PLPPR4: variants seen among roughly 807,000 people sequenced by gnomAD.
PLPPR4 encodes phospholipid phosphatase related 4.
A neutral mutation model predicts 56.6 loss-of-function variants in PLPPR4; 24 were observed. The observed-to-expected ratio is 0.42, with a 90% confidence interval of 0.31 to 0.60. PLPPR4 has a LOEUF of 0.60. Ranked by LOEUF, PLPPR4 falls within the 20% of genes least tolerant of loss-of-function variation. The probability of loss-of-function intolerance (pLI) is 0.13; values close to 1 mark genes in which losing one functional copy is unlikely to be tolerated. For synonymous variants in PLPPR4, 326 were observed against 328.1 expected (o/e 0.99, Z 0.07); for missense variants, 654 against 885.8 (o/e 0.74, Z 3.32).
intron 1 of PLPPR4, among the ~76,000 whole-genome samples, chr1:99,285,706 A>T (rs894862866): frequency 2.0e-5 from 3 of 152,310 alleles, no homozygotes; most frequent in African/African-American, 4.8e-5. Context: ...TTCTAAAAAT[A>T]AAAATTAAAA....
At chr1:99,289,585 A>G (rs777722382) in intron 2 of PLPPR4, among the ~76,000 whole-genome samples, 2 of 152,120 alleles carry the variant, frequency 1.3e-5, no homozygotes, top group Non-Finnish European at 2.9e-5. Context: ...TTGGAGTGCG[A>G]TATTGCTCAG....
chr1:99,265,736 C>G (rs980490344), intron 1 of PLPPR4, among the ~76,000 whole-genome samples: 1 of 152,178 alleles, frequency 6.6e-6, no homozygotes, highest in African/African-American at 2.4e-5. Context: ...GAAGTGCAAA[C>G]AGTAGATTCT....
At chr1:99,287,878 G>A (rs560200192) in intron 1 of PLPPR4, 87 bp from the exon 2 acceptor site, 24 of 927,174 alleles carry the variant, frequency 2.6e-5, no homozygotes, top group African/African-American at 1.3e-4. Flanking sequence ...GAAGAGTAGC[G>A]AGAGAAGGAG....
intron 1 of PLPPR4, among the ~76,000 whole-genome samples, chr1:99,268,643 G>T (rs540913951): frequency 1.1e-4 from 16 of 152,260 alleles, no homozygotes; most frequent in African/African-American, 3.9e-4. Context: ...TGAAAAATAC[G>T]ATGATTTTTA....
At position 99,288,003 on chromosome 1, in the gene PLPPR4, C is replaced by A. The variant is rs1488666733; in HGVS notation, c.117C>A (p.Phe39Leu). 2 of 1,613,392 alleles carry A rather than the reference C, an allele frequency of 1.2e-6. No individual in the cohort carries two copies. The highest frequency in any genetic ancestry group is 1.7e-6 in the Non-Finnish European group (2 of 1,179,712). Residue 39 changes from phenylalanine (F) to leucine (L), a missense_variant, in exon 2 of 7, where the codon TTC (phenylalanine) becomes TTA (leucine). Coordinates refer to ENST00000370185, the MANE Select transcript of PLPPR4 (RefSeq NM_014839.5). ...ILASSVVSLY[F>L]LELTDVFKPV... is the part of the protein sequence containing the mutation. ...CATCATCGGTGGTTAGCCTCTATTT[C>A]CTCGAACTCACAGATGTCTTCAAAC... is the stretch of plus-strand genomic sequence containing the variant.
At chr1:99,283,408 T>TG (rs1290545170) in intron 1 of PLPPR4, among the ~76,000 whole-genome samples, 1 of 152,218 alleles carries the variant, frequency 6.6e-6, no homozygotes, top group Non-Finnish European at 1.5e-5. Flanking sequence ...TTTGATAAAA[T>TG]GTTTCACTAA....
chr1:99,294,168 G>A (rs1659687224), intron 2 of PLPPR4, among the ~76,000 whole-genome samples: 1 of 152,030 alleles, frequency 6.6e-6, no homozygotes, highest in South Asian at 2.1e-4. Flanking sequence ...ATACCCTGAG[G>A]AGACCTATCT....
chr1:99,305,619 A>G (rs1660001786), intron 6 of PLPPR4, 66 bp from the exon 7 acceptor site: 1 of 1,503,574 alleles, frequency 6.7e-7, no homozygotes, highest in Non-Finnish European at 9.0e-7. Context: ...TTCAGTGGGT[A>G]CTCTAAGGAA....
upstream of PLPPR4, among the ~76,000 whole-genome samples, chr1:99,263,097 T>A (rs1401939681): frequency 2.0e-5 from 3 of 152,094 alleles, no homozygotes; most frequent in East Asian, 5.8e-4. Context: ...TGAGAAGTTG[T>A]GAATGGGAAA....
At chr1:99,302,394 A>T (rs1443444070) in intron 6 of PLPPR4, among the ~76,000 whole-genome samples, 2 of 152,074 alleles carry the variant, frequency 1.3e-5, no homozygotes, top group Non-Finnish European at 2.9e-5. Flanking sequence ...GAGATTGTCC[A>T]TTTCATTTTG....
chr1:99,278,847 T>C (rs890547644), intron 1 of PLPPR4, among the ~76,000 whole-genome samples: 1 of 152,248 alleles, frequency 6.6e-6, no homozygotes, highest in East Asian at 1.9e-4. Context: ...AACAGATTTT[T>C]TTCCCATTCA....
upstream of PLPPR4, among the ~76,000 whole-genome samples, chr1:99,263,178 G>A (rs947497780): frequency 6.6e-6 from 1 of 152,180 alleles, no homozygotes; most frequent in East Asian, 1.9e-4. Flanking sequence ...GTGGTCATGA[G>A]TTGGATGTGA....
rs1660124613 is a variant in PLPPR4 at position 99,309,189 on chromosome 1, A to G, written c.*2179A>G. On this transcript the variant is annotated 3_prime_UTR_variant, in exon 7 of 7. Transcript: ENST00000370185. ...GACCTCTGCATGTATATTTGATAAC[A>G]TGTCTTTTGTAAAACAAAAATTACA... The G allele has an allele frequency of 6.6e-6, 1 of 152,584 alleles. No homozygotes were observed. The highest frequency in any genetic ancestry group is 1.5e-5 in the Non-Finnish European group (1 of 68,012). The allele number at this position is 152,584 out of a possible 1,614,324, so 9.5% of individuals were successfully genotyped here.
chr1:99,276,643 C>CA (rs1368582002), intron 1 of PLPPR4, among the ~76,000 whole-genome samples: 1 of 152,106 alleles, frequency 6.6e-6, no homozygotes, highest in Non-Finnish European at 1.5e-5. Flanking sequence ...AAGATAAACA[C>CA]AAAAAATATA....
intron 6 of PLPPR4, among the ~76,000 whole-genome samples, chr1:99,305,197 TC>T (rs1659987756): frequency 6.6e-6 from 1 of 152,170 alleles, no homozygotes; most frequent in South Asian, 2.1e-4. Flanking sequence ...TCTCCGACCT[TC>T]TTTCAAAACC....
At chr1:99,273,382 A>G (rs1026702028) in intron 1 of PLPPR4, among the ~76,000 whole-genome samples, 2 of 152,114 alleles carry the variant, frequency 1.3e-5, no homozygotes, top group Non-Finnish European at 2.9e-5. Flanking sequence ...ACATGGAATC[A>G]TACATTTAAC....
intron 1 of PLPPR4, among the ~76,000 whole-genome samples, chr1:99,274,743 T>A (rs1028119553): frequency 6.6e-6 from 1 of 152,064 alleles, no homozygotes; most frequent in Non-Finnish European, 1.5e-5. Flanking sequence ...AGTGCCCAGG[T>A]AACACTCTAC....
chr1:99,292,496 G>A (rs780648479), intron 2 of PLPPR4, among the ~76,000 whole-genome samples: 33 of 152,162 alleles, frequency 2.2e-4, no homozygotes, highest in Non-Finnish European at 3.2e-4. Context: ...TTCCAGAAAG[G>A]TGCCACTCAA....
Position 99,307,037 on chromosome 1 carries a change from AC to A in PLPPR4, c.*28del, listed in dbSNP as rs770570688. The A allele has an allele frequency of 3.3e-5, 52 of 1,554,024 alleles. No individual in the cohort carries two copies. In the East Asian group the frequency reaches 1.2e-3, roughly 35 times the overall value. Reference sequence around the variant, plus strand: ...TGATGTCCATTCCATCATTAGGGCTACTCGCAAAAGACCATATGTTGATTCT... The same window carrying A: ...TGATGTCCATTCCATCATTAGGGCTATCGCAAAAGACCATATGTTGATTCT... On this transcript the variant is annotated 3_prime_UTR_variant, in exon 7 of 7. Coordinates refer to ENST00000370185, the MANE Select transcript of PLPPR4 (RefSeq NM_014839.5).
Sources: allele counts gnomAD v4.1 joint callset (sites outside exome capture counted in the v4.1 genomes callset), GRCh38; gene constraint gnomAD v4.1.1; transcripts MANE v1.5; gene names NCBI Gene and HGNC (gene_info 2026-07-23, HGNC 2026-07-21).